The following CHST3 variants were observed in gnomAD, a reference collection of about 807,000 sequenced individuals.
CHST3 encodes the protein C6ST-1.
In CHST3, 20 loss-of-function variants were observed where a neutral mutation model predicts 35.4. The ratio of observed to expected loss-of-function variants is 0.57; its 90% CI spans 0.40 to 0.82. CHST3 has a LOEUF of 0.82. Ranked by LOEUF, CHST3 falls within the 40% of genes least tolerant of loss-of-function variation. The probability of loss-of-function intolerance (pLI) is 0.00; values close to 1 mark genes in which losing one functional copy is unlikely to be tolerated. For synonymous variants in CHST3, 334 were observed against 295.9 expected (o/e 1.13, Z -1.32); for missense variants, 693 against 670.1 (o/e 1.03, Z -0.38).
chr10:71,985,158 T>A (rs1269547128), intron 1 of CHST3, among the ~76,000 whole-genome samples: 2 of 152,220 alleles, frequency 1.3e-5, no homozygotes, highest in African/African-American at 4.8e-5. Flanking sequence ...TGCCCCAGTC[T>A]CCTTCGCCCC....
In CHST3 at chr10:72,012,418, G is replaced by C. The variant is rs776674536; in HGVS notation, c.*3947G>C. On this transcript the variant is annotated 3_prime_UTR_variant, in exon 3 of 3. Transcript: ENST00000373115. ...AATCCCAGCAGTTGGGGAGGCCAAG[G>C]TGGGAGGATTGCTTGAGCCCAAGAG... 1 of 152,766 alleles carries C rather than the reference G, an allele frequency of 6.5e-6. No homozygotes were observed. The highest frequency in any genetic ancestry group is 1.5e-5 in the Non-Finnish European group (1 of 68,496). The allele number at this position is 152,766 out of a possible 1,614,324, so 9.5% of individuals were successfully genotyped here.
chr10:71,979,367 G>A (rs191495061), intron 1 of CHST3, among the ~76,000 whole-genome samples: 17 of 152,166 alleles, frequency 1.1e-4, no homozygotes, highest in Admixed American at 7.2e-4. Context: ...TTTTTTAGAC[G>A]GAGTCTCGGG....
At chr10:71,976,585 A>G (rs904418743) in intron 1 of CHST3, among the ~76,000 whole-genome samples, 2 of 152,086 alleles carry the variant, frequency 1.3e-5, no homozygotes, top group African/African-American at 4.8e-5. Context: ...CAAACCAGTA[A>G]CTACCCCTCC....
chr10:72,005,283 T>TTG (rs761296471), intron 1 of CHST3, among the ~76,000 whole-genome samples: 10,341 of 149,226 alleles, frequency 0.069, 383 homozygotes, highest in South Asian at 0.11. Context: ...GTCTGCACCT[T>TTG]TGTGTGTGTG....
At chr10:71,998,137 C>T (rs1839958631) in intron 1 of CHST3, among the ~76,000 whole-genome samples, 1 of 152,030 alleles carries the variant, frequency 6.6e-6, no homozygotes. Flanking sequence ...CGACCCTGTC[C>T]CCCCCAAAAA....
At chr10:71,994,517 C>T (rs1268678647) in intron 1 of CHST3, among the ~76,000 whole-genome samples, 1 of 152,192 alleles carries the variant, frequency 6.6e-6, no homozygotes, top group African/African-American at 2.4e-5. Context: ...TCATCCAGGC[C>T]TGTTCCATTT....
intron 1 of CHST3, among the ~76,000 whole-genome samples, chr10:71,997,474 C>A (rs1384304938): frequency 1.3e-5 from 2 of 152,128 alleles, no homozygotes; most frequent in African/African-American, 4.8e-5. Flanking sequence ...CTCCTGGACC[C>A]TTGCAGAAGG....
intron 1 of CHST3, among the ~76,000 whole-genome samples, chr10:71,988,044 A>G (rs1170159708): frequency 6.6e-6 from 1 of 152,236 alleles, no homozygotes; most frequent in African/African-American, 2.4e-5. Flanking sequence ...TCTCCCGAGC[A>G]TGTGCACGTA....
chr10:71,967,368 C>T (rs1317617347), intron 1 of CHST3, among the ~76,000 whole-genome samples: 1 of 152,172 alleles, frequency 6.6e-6, no homozygotes, highest in Non-Finnish European at 1.5e-5. Context: ...TTGTTCCCTT[C>T]TTTGCGTTCA....
At position 72,007,868 on chromosome 10, in the gene CHST3, G is replaced by A. The variant is rs749239221; in HGVS notation, c.837G>A (p.Gln279=). 2 of 1,599,648 alleles carry A rather than the reference G, an allele frequency of 1.3e-6. No homozygotes were observed. The highest frequency in any genetic ancestry group is 2.2e-5 in the South Asian group (2 of 89,774). The change falls in exon 3 of 3, where the codon CAG becomes CAA. Residue 279 remains glutamine, a synonymous_variant. Transcript: ENST00000373115. ...CCCTCAAGGCGGTGCGCATCCGGCA[G>A]CTGGAGTTCCTGCAGCCGCTGGCCG... The part of the protein sequence containing the change: ...HMALKAVRIR[Q]LEFLQPLAED...
In CHST3 at chr10:72,007,680, C is replaced by T; in HGVS notation, c.649C>T (p.Gln217Ter). The change falls in exon 3 of 3, where the codon CAG (glutamine) becomes TAG (stop). Residue 217 changes from glutamine (Q) to a stop codon, truncating the protein, a stop_gained. Coordinates refer to ENST00000373115, the MANE Select transcript of CHST3 (RefSeq NM_004273.5). LOFTEE classifies it high-confidence loss of function. The stretch of plus-strand genomic sequence containing the variant: ...GCCGCTGCCCGAGGACCACCTGACT[C>T]AGTTCATGTTCCGCCGGGGCTCCAG... ...ITPLPEDHLT[Q>*]FMFRRGSSRS... 1 of 1,608,884 alleles carries T rather than the reference C, an allele frequency of 6.2e-7. No homozygotes were observed. Among genetic ancestry groups the T allele is most frequent in the Non-Finnish European group, 8.5e-7 (1 of 1,179,590 alleles).
intron 1 of CHST3, among the ~76,000 whole-genome samples, chr10:71,989,231 C>G (rs994859237): frequency 6.6e-6 from 1 of 152,044 alleles, no homozygotes; most frequent in African/African-American, 2.4e-5. Flanking sequence ...CAGCTTGAGC[C>G]CAGGAGTTCG....
At chr10:71,997,682 ATTTTTT>A (rs35366073) in intron 1 of CHST3, among the ~76,000 whole-genome samples, 2 of 135,404 alleles carry the variant, frequency 1.5e-5, no homozygotes, top group African/African-American at 2.7e-5. Context: ...GTCTCCATAA[ATTTTTT>A]TTTTTTTTTT....
At chr10:71,974,179 G>A (rs1056816880) in intron 1 of CHST3, among the ~76,000 whole-genome samples, 1 of 152,218 alleles carries the variant, frequency 6.6e-6, no homozygotes, top group Non-Finnish European at 1.5e-5. Context: ...TTTTAATGCA[G>A]CTAGAAAAGG....
intron 1 of CHST3, among the ~76,000 whole-genome samples, chr10:71,990,294 A>C (rs1366942574): frequency 2.0e-5 from 3 of 152,178 alleles, no homozygotes; most frequent in African/African-American, 7.2e-5. Flanking sequence ...CTCTGCTTCC[A>C]AGATGGCACC....
intron 1 of CHST3, among the ~76,000 whole-genome samples, chr10:71,992,426 C>A (rs909942758): frequency 2.0e-5 from 3 of 152,154 alleles, no homozygotes; most frequent in Admixed American, 2.0e-4. Flanking sequence ...AGTTCCTGGG[C>A]CCGCTTGGGC....
At chr10:71,977,664 ATTGTTTGT>A (rs67217368) in intron 1 of CHST3, among the ~76,000 whole-genome samples, 373 of 150,672 alleles carry the variant, frequency 2.5e-3, no homozygotes, top group Non-Finnish European at 3.9e-3. Context: ...CTGGAGCTTG[ATTGTTTGT>A]TTGTTTGTTT....
intron 1 of CHST3, among the ~76,000 whole-genome samples, chr10:71,984,439 A>T (rs543029477): frequency 6.6e-6 from 1 of 152,352 alleles, no homozygotes; most frequent in Non-Finnish European, 1.5e-5. Flanking sequence ...TGTTCAAGAC[A>T]CCAAGAACCT....
intron 1 of CHST3, among the ~76,000 whole-genome samples, chr10:72,003,041 G>T (rs1001311239): frequency 1.3e-4 from 20 of 152,194 alleles, no homozygotes; most frequent in African/African-American, 4.8e-4. Flanking sequence ...AGAGGCTTCT[G>T]CTGGAGGAAC....
Sources: allele counts gnomAD v4.1 joint callset (sites outside exome capture counted in the v4.1 genomes callset), GRCh38; gene constraint gnomAD v4.1.1; transcripts MANE v1.5; gene names NCBI Gene and HGNC (gene_info 2026-07-23, HGNC 2026-07-21).